AK9: variants seen among roughly 807,000 people sequenced by gnomAD.
AK9 encodes adenylate kinase 9.
A neutral mutation model predicts 239.6 loss-of-function variants in AK9; 191 were observed. The observed-to-expected ratio is 0.80, with a 90% confidence interval of 0.71 to 0.90. AK9 has a LOEUF of 0.90. Among genes scored for constraint, AK9 ranks in the 40% least tolerant of loss-of-function variants. The pLI is 0.00. For synonymous variants in AK9, 689 were observed against 721.0 expected, an observed-to-expected ratio of 0.96 and a Z score of 0.71; for missense variants, 1,995 against 2,214.7, an observed-to-expected ratio of 0.90 and a Z score of 1.99.
intron 12 of AK9, among the ~76,000 whole-genome samples, chr6:109,629,552 T>C (rs1373110879): frequency 6.6e-6 from 1 of 152,202 alleles, no homozygotes; most frequent in African/African-American, 2.4e-5. Flanking sequence ...ATTTGAAATG[T>C]ATCACACCAT....
At position 109,629,578 on chromosome 6, in the gene AK9, T is replaced by G. The variant is rs1043733859; in HGVS notation, c.1254+3345A>C. Among the ~76,000 whole-genome samples the G allele has an allele frequency of 4.7e-4, 71 of 152,278 alleles. 1 individual carries two copies. Among genetic ancestry groups the G allele is most frequent in the African/African-American group, 1.7e-3 (70 of 41,572 alleles). On this transcript the variant is annotated intron_variant, in intron 12 of 40. Coordinates refer to ENST00000424296, the MANE Select transcript of AK9 (RefSeq NM_001145128.3). ...ATCACACCATCTTTCCTGAATATTATAAATTTAAAATGTAGAATTTTCTTT... is the reference window on the plus strand; with the variant it reads ...ATCACACCATCTTTCCTGAATATTAGAAATTTAAAATGTAGAATTTTCTTT...
rs868037947 is a variant in AK9 at position 109,567,892 on chromosome 6, A to G, written c.2345-3047T>C. Among the ~76,000 whole-genome samples the G allele has an allele frequency of 4.0e-5, 6 of 151,646 alleles. No individual in the cohort carries two copies. The South Asian group carries it at 6.2e-4, about 16-fold the overall frequency. ...GAACTTAAAGTAAAATAAAAAAAAA[A>G]AAAAAGAAAAAGGGAATCCTCCCTA... On this transcript the variant is annotated intron_variant, in intron 21 of 40. Transcript: ENST00000424296.
At chr6:109,544,058 G>A (rs771186660) in intron 26 of AK9, among the ~76,000 whole-genome samples, 2 of 152,080 alleles carry the variant, frequency 1.3e-5, no homozygotes, top group African/African-American at 2.4e-5. Context: ...GTCAGAGGTT[G>A]CAGTGAGCTG....
intron 8 of AK9, among the ~76,000 whole-genome samples, chr6:109,649,815 C>G (rs541163505): frequency 6.6e-6 from 1 of 151,924 alleles, no homozygotes. Context: ...GGAGGCATCA[C>G]GCTACCTGAC....
At chr6:109,584,831 A>G (rs1022384665) in intron 19 of AK9, among the ~76,000 whole-genome samples, 1 of 152,168 alleles carries the variant, frequency 6.6e-6, no homozygotes, top group Non-Finnish European at 1.5e-5. Flanking sequence ...ACAGATAAAT[A>G]TAACAATATA....
rs1166129888 is a variant in AK9 at position 109,564,293 on chromosome 6, AG to A, written c.2435-14del. 1 of 1,525,576 alleles carries A rather than the reference AG, an allele frequency of 6.6e-7. No homozygotes were observed. The highest frequency in any genetic ancestry group is 8.8e-7 in the Non-Finnish European group (1 of 1,136,140). 94.5% of individuals were successfully genotyped at this position (1,525,576 alleles called of 1,614,324 possible). A position where few individuals can be genotyped will look rare whatever the true frequency, so the allele number is the denominator to read the frequency against. On this transcript the variant is annotated splice_polypyrimidine_tract_variant and intron_variant, in intron 22 of 40. Transcript: ENST00000424296. ...TCAGGTAGTACAACTTTGGAGTAAA[AG>A]ACAAAGGAAAGAAAAAAGGGGCTTT...
intron 5 of AK9, among the ~76,000 whole-genome samples, chr6:109,667,306 T>C (rs1801339259): frequency 6.6e-6 from 1 of 152,112 alleles, no homozygotes; most frequent in South Asian, 2.1e-4. Flanking sequence ...AAGTTGTTTT[T>C]TTTTTTAATT....
chr6:109,529,402 T>C (rs1459934778), intron 28 of AK9, among the ~76,000 whole-genome samples: 2 of 152,162 alleles, frequency 1.3e-5, no homozygotes, highest in African/African-American at 4.8e-5. Context: ...GTGGAGGCAA[T>C]TCACTGAAAA....
chr6:109,629,224 A>G (rs1406483123), intron 12 of AK9, among the ~76,000 whole-genome samples: 1 of 152,002 alleles, frequency 6.6e-6, no homozygotes, highest in Non-Finnish European at 1.5e-5. Context: ...GGTTACAGGC[A>G]TGAGCCACCA....
chr6:109,653,484 C>G (rs1452587982), intron 8 of AK9, among the ~76,000 whole-genome samples: 5 of 152,116 alleles, frequency 3.3e-5, no homozygotes, highest in Non-Finnish European at 5.9e-5. Flanking sequence ...ACGCATTTTT[C>G]TTTTGGATTG....
At chr6:109,687,738 A>C (rs1773717211) in intron 1 of AK9, among the ~76,000 whole-genome samples, 1 of 152,256 alleles carries the variant, frequency 6.6e-6, no homozygotes, top group Non-Finnish European at 1.5e-5. Flanking sequence ...CCCTGAGCAG[A>C]GGACCCAGGT....
chr6:109,507,540 T>G (rs1003698771), intron 33 of AK9, among the ~76,000 whole-genome samples: 6 of 151,800 alleles, frequency 4.0e-5, no homozygotes, highest in Non-Finnish European at 7.4e-5. Flanking sequence ...GTTGAGATAA[T>G]GAGATTGTCA....
chr6:109,574,761 T>C (rs572299085), intron 20 of AK9, among the ~76,000 whole-genome samples: 36 of 152,258 alleles, frequency 2.4e-4, no homozygotes, highest in African/African-American at 8.2e-4. Flanking sequence ...TTTTGTTCCA[T>C]GGAAAAGTTC....
At chr6:109,569,167 C>G (rs1054651404) in intron 21 of AK9, among the ~76,000 whole-genome samples, 1 of 152,098 alleles carries the variant, frequency 6.6e-6, no homozygotes, top group African/African-American at 2.4e-5. Context: ...CTGACAAAAA[C>G]AAGAAATGGG....
chr6:109,636,765 C>CACACACACACACACACAA (rs1431232930), intron 10 of AK9, among the ~76,000 whole-genome samples: 27 of 151,234 alleles, frequency 1.8e-4, no homozygotes, highest in Admixed American at 1.6e-3. Context: ...CACACACACA[C>CACACACACACACACACAA]ACACACACAC....
intron 27 of AK9, among the ~76,000 whole-genome samples, chr6:109,539,774 G>T (rs1305314301): frequency 6.6e-6 from 1 of 152,106 alleles, no homozygotes; most frequent in Non-Finnish European, 1.5e-5. Context: ...CGTACAGATG[G>T]GGTTTTGGTG....
In AK9 at chr6:109,497,810, C is replaced by T. The variant is rs1431956448; in HGVS notation, c.5202G>A (p.Lys1734=). Residue 1734 remains lysine, a synonymous_variant, in exon 37 of 41, where the codon AAG becomes AAA. Transcript: ENST00000424296. ...ELQGYCPVTY[K]DGNQRYEALV... ...CCAGGACTTGCCTTTGGTTTCCATCCTTATAGGTCACTGGACAGTAGCCCT... is the reference window on the plus strand; with the variant it reads ...CCAGGACTTGCCTTTGGTTTCCATCTTTATAGGTCACTGGACAGTAGCCCT... 2 of 1,613,448 alleles carry T rather than the reference C, an allele frequency of 1.2e-6. No individual in the cohort carries two copies. Among genetic ancestry groups the T allele is most frequent in the East Asian group, 4.5e-5 (2 of 44,884 alleles).
At chr6:109,681,929 A>G (rs1772697326) in intron 1 of AK9, among the ~76,000 whole-genome samples, 1 of 152,232 alleles carries the variant, frequency 6.6e-6, no homozygotes, top group Non-Finnish European at 1.5e-5. Context: ...TCTGGGACAC[A>G]TTTAAAGCAG....
intron 12 of AK9, among the ~76,000 whole-genome samples, chr6:109,627,411 CATT>C (rs1312259148): frequency 4.6e-5 from 7 of 152,036 alleles, no homozygotes; most frequent in South Asian, 2.1e-4. Context: ...CCATTAACAT[CATT>C]GTTTTTTATT....
Sources: gnomAD v4.1 joint callset for allele counts (sites outside exome capture counted in the v4.1 genomes callset) on GRCh38, gnomAD v4.1.1 for gene constraint, MANE v1.5 for transcripts, NCBI Gene and HGNC (gene_info 2026-07-23, HGNC 2026-07-21) for gene names.